The following SCMH1 variants were observed in gnomAD, a reference collection of about 807,000 sequenced individuals.
The protein encoded by SCMH1 is polycomb protein SCMH1.
Under a neutral mutation model 70.8 loss-of-function variants are expected in SCMH1, and 37 were observed. The ratio of observed to expected loss-of-function variants is 0.52; its 90% CI spans 0.40 to 0.69. The LOEUF (loss-of-function observed/expected upper bound fraction) is 0.69. Among genes scored for constraint, SCMH1 ranks in the 30% least tolerant of loss-of-function variants. The pLI is 0.00. For synonymous variants in SCMH1, 292 were observed against 307.4 expected, an observed-to-expected ratio of 0.95 and a Z score of 0.52; for missense variants, 607 against 827.3, an observed-to-expected ratio of 0.73 and a Z score of 3.27.
chr1:41,235,459 T>G (rs1662171723), intron 1 of SCMH1, among the ~76,000 whole-genome samples: 2 of 150,602 alleles, frequency 1.3e-5, no homozygotes, highest in Admixed American at 1.3e-4. Flanking sequence ...TAATCCCAGC[T>G]ACTCAGAAGG....
At chr1:41,138,295 T>A (rs748509450) in intron 6 of SCMH1, among the ~76,000 whole-genome samples, 20 of 152,150 alleles carry the variant, frequency 1.3e-4, no homozygotes, top group Non-Finnish European at 2.4e-4. Context: ...CAAAAGTAGG[T>A]CCTATAAATA....
At chr1:41,130,002 G>GC (rs1553142982) in intron 6 of SCMH1, among the ~76,000 whole-genome samples, 1 of 151,966 alleles carries the variant, frequency 6.6e-6, no homozygotes, top group African/African-American at 2.4e-5. Context: ...GTTATTTTCT[G>GC]TTTTTTTCCT....
intron 1 of SCMH1, among the ~76,000 whole-genome samples, chr1:41,192,611 T>C (rs1651993706): frequency 6.6e-6 from 1 of 152,118 alleles, no homozygotes; most frequent in Admixed American, 6.6e-5. Context: ...CATCATCCTT[T>C]GCTACTATTT....
intron 8 of SCMH1, among the ~76,000 whole-genome samples, chr1:41,100,557 T>TTTTC (rs143841264): frequency 0.77 from 111,589 of 145,062 alleles, 43,803 homozygotes; most frequent in African/African-American, 0.94. Context: ...TAGCCTTTTC[T>TTTTC]TTTCTTTTTC....
At chr1:41,100,519 C>T (rs17571940) in intron 8 of SCMH1, among the ~76,000 whole-genome samples, 97,850 of 150,936 alleles carry the variant, frequency 0.65, 33,275 homozygotes, top group African/African-American at 0.86. Flanking sequence ...AACACAATCC[C>T]TTATCTTTAA....
At chr1:41,040,720 C>T (rs528057124) in intron 12 of SCMH1, among the ~76,000 whole-genome samples, 3 of 151,858 alleles carry the variant, frequency 2.0e-5, no homozygotes, top group South Asian at 2.1e-4. Context: ...CAAAATTAGC[C>T]GGGCGTGGTG....
intron 8 of SCMH1, among the ~76,000 whole-genome samples, chr1:41,098,023 G>A (rs1665566724): frequency 1.3e-5 from 2 of 152,132 alleles, no homozygotes; most frequent in Non-Finnish European, 2.9e-5. Context: ...TCTCGAACTG[G>A]TTATCAACTC....
At chr1:41,163,762 A>G (rs1302567715) in intron 2 of SCMH1, among the ~76,000 whole-genome samples, 2 of 152,134 alleles carry the variant, frequency 1.3e-5, no homozygotes. Flanking sequence ...TGTTTAAGCC[A>G]CCTAGTCCAT....
chr1:41,066,743 C>T (rs1654733970), intron 10 of SCMH1, among the ~76,000 whole-genome samples: 1 of 151,796 alleles, frequency 6.6e-6, no homozygotes, highest in South Asian at 2.1e-4. Context: ...TCAGCGTGCC[C>T]AGCTGGCTAT....
At chr1:41,067,761 C>T (rs145332359) in intron 10 of SCMH1, among the ~76,000 whole-genome samples, 7 of 152,058 alleles carry the variant, frequency 4.6e-5, no homozygotes, top group African/African-American at 1.7e-4. Flanking sequence ...ACCCACAGAA[C>T]GTAAAACACC....
intron 10 of SCMH1, among the ~76,000 whole-genome samples, chr1:41,059,538 C>T (rs901355829): frequency 1.3e-5 from 2 of 152,176 alleles, no homozygotes; most frequent in Non-Finnish European, 2.9e-5. Context: ...CCACTGAGAG[C>T]CACCTCCACC....
chr1:41,104,394 G>A (rs1405434136), intron 8 of SCMH1, among the ~76,000 whole-genome samples: 1 of 152,204 alleles, frequency 6.6e-6, no homozygotes, highest in South Asian at 2.1e-4. Context: ...GCAAGGTCTG[G>A]ACACAATATA....
At chr1:41,194,439 C>T (rs754300141) in intron 1 of SCMH1, among the ~76,000 whole-genome samples, 11 of 152,276 alleles carry the variant, frequency 7.2e-5, no homozygotes, top group Admixed American at 2.6e-4. Flanking sequence ...ATATGAACTA[C>T]TGTAGATCAA....
intron 1 of SCMH1, among the ~76,000 whole-genome samples, chr1:41,208,934 T>A (rs996289287): frequency 1.3e-5 from 2 of 151,864 alleles, no homozygotes; most frequent in Non-Finnish European, 2.9e-5. Flanking sequence ...AATCAATAAA[T>A]CCAGGAACTG....
intron 1 of SCMH1, among the ~76,000 whole-genome samples, chr1:41,238,284 G>T (rs971389818): frequency 2.6e-5 from 4 of 152,144 alleles, no homozygotes; most frequent in Admixed American, 2.6e-4. Flanking sequence ...TTGTCATTAA[G>T]TATTAGCAGA....
chr1:41,135,341 C>A (rs985220764), intron 6 of SCMH1, among the ~76,000 whole-genome samples: 3 of 152,116 alleles, frequency 2.0e-5, no homozygotes, highest in Non-Finnish European at 4.4e-5. Flanking sequence ...TTCCCATAAT[C>A]CCCACATATG....
intron 5 of SCMH1, among the ~76,000 whole-genome samples, chr1:41,150,954 A>G (rs1355435125): frequency 2.6e-5 from 4 of 151,606 alleles, no homozygotes; most frequent in Admixed American, 2.0e-4. Context: ...AAAAAAAAAA[A>G]AAAGAAAACA....
chr1:41,030,699 T>A (rs537065071), intron 13 of SCMH1, among the ~76,000 whole-genome samples: 1 of 152,186 alleles, frequency 6.6e-6, no homozygotes, highest in Non-Finnish European at 1.5e-5. Flanking sequence ...TTACCTAAAA[T>A]AATTTCATGG....
At chr1:41,197,972 T>C (rs1368653802) in intron 1 of SCMH1, among the ~76,000 whole-genome samples, 1 of 152,190 alleles carries the variant, frequency 6.6e-6, no homozygotes, top group Non-Finnish European at 1.5e-5. Context: ...AGATGGGCTT[T>C]GGGCTTGAAT....
Sources: allele counts gnomAD v4.1 joint callset (sites outside exome capture counted in the v4.1 genomes callset), GRCh38; gene constraint gnomAD v4.1.1; transcripts MANE v1.5; gene names NCBI Gene and HGNC (gene_info 2026-07-23, HGNC 2026-07-21).